GFRA1: variants seen among roughly 807,000 people sequenced by gnomAD.
The protein encoded by GFRA1 is GDNF family receptor alpha 1.
A neutral mutation model predicts 51.6 loss-of-function variants in GFRA1; 16 were observed. That is an observed-to-expected ratio of 0.31 (90% CI 0.21 to 0.47). The LOEUF (loss-of-function observed/expected upper bound fraction) is 0.47, where lower values mean the gene tolerates loss of function less well. Ranked by LOEUF, GFRA1 falls within the 20% of genes least tolerant of loss-of-function variation. The pLI is 1.00. For synonymous variants in GFRA1, 270 were observed against 241.3 expected (o/e 1.12, Z -1.10); for missense variants, 530 against 594.3 (o/e 0.89, Z 1.13).
intron 4 of GFRA1, among the ~76,000 whole-genome samples, chr10:116,266,314 G>T (rs967741937): frequency 7.2e-5 from 11 of 152,194 alleles, no homozygotes; most frequent in Admixed American, 5.9e-4. Context: ...AGACACTGTT[G>T]TCCTGGCTTC....
intron 5 of GFRA1, among the ~76,000 whole-genome samples, chr10:116,182,274 A>G (rs1962309502): frequency 6.6e-6 from 1 of 152,184 alleles, no homozygotes; most frequent in South Asian, 2.1e-4. Context: ...GATAACAATA[A>G]TAGTAATTAA....
intron 5 of GFRA1, among the ~76,000 whole-genome samples, chr10:116,197,352 C>T (rs543691100): frequency 2.0e-5 from 3 of 152,238 alleles, no homozygotes; most frequent in East Asian, 1.9e-4. Context: ...TTACCAAACA[C>T]GGAATCTGCC....
At chr10:116,133,095 G>A (rs1456638838) in intron 5 of GFRA1, among the ~76,000 whole-genome samples, 7 of 151,302 alleles carry the variant, frequency 4.6e-5, no homozygotes, top group Admixed American at 3.3e-4. Flanking sequence ...TGTCTGGGAC[G>A]CTGTCTGAAT....
intron 5 of GFRA1, among the ~76,000 whole-genome samples, chr10:116,179,308 G>A (rs931476539): frequency 6.6e-6 from 1 of 152,184 alleles, no homozygotes; most frequent in African/African-American, 2.4e-5. Context: ...CATTGTCAGG[G>A]AGCATATATT....
intron 5 of GFRA1, among the ~76,000 whole-genome samples, chr10:116,194,816 CTG>C (rs1364530518): frequency 6.6e-6 from 1 of 152,132 alleles, no homozygotes; most frequent in Admixed American, 6.6e-5. Flanking sequence ...CCCACACAGA[CTG>C]AGAACCATTT....
At chr10:116,064,582 G>A (rs1490498234) in intron 10 of GFRA1, 38 bp from the exon 11 acceptor site, 5 of 1,571,272 alleles carry the variant, frequency 3.2e-6, no homozygotes, top group Non-Finnish European at 3.5e-6. Flanking sequence ...TCCACTGCAT[G>A]TCTTCATTCT....
chr10:116,093,603 A>C, intron 8 of GFRA1, 99 bp downstream of exon 8: 1 of 1,038,864 alleles, frequency 9.6e-7, no homozygotes, highest in East Asian at 2.4e-5. Flanking sequence ...GTACAGGCAC[A>C]AGGTACAAGA....
At chr10:116,199,565 T>C (rs1964165713) in intron 5 of GFRA1, among the ~76,000 whole-genome samples, 1 of 152,364 alleles carries the variant, frequency 6.6e-6, no homozygotes, top group Admixed American at 6.5e-5. Flanking sequence ...ACCACAAATG[T>C]ATCCATCTAT....
At chr10:116,137,215 G>C (rs1241443083) in intron 5 of GFRA1, among the ~76,000 whole-genome samples, 5 of 152,086 alleles carry the variant, frequency 3.3e-5, no homozygotes, top group African/African-American at 1.2e-4. Flanking sequence ...TATGCATAGA[G>C]AGAAGGAAAA....
intron 5 of GFRA1, among the ~76,000 whole-genome samples, chr10:116,190,323 A>G (rs1963136337): frequency 6.6e-6 from 1 of 152,196 alleles, no homozygotes; most frequent in Non-Finnish European, 1.5e-5. Context: ...TAGTCACCAG[A>G]TGGCTCCTCT....
chr10:116,188,898 T>TAAAA (rs779339657), intron 5 of GFRA1, among the ~76,000 whole-genome samples: 1 of 130,472 alleles, frequency 7.7e-6, no homozygotes, highest in East Asian at 2.2e-4. Context: ...AGACTCTGTT[T>TAAAA]AAAAAAAAAA....
intron 4 of GFRA1, among the ~76,000 whole-genome samples, chr10:116,214,471 G>C (rs545217815): frequency 6.6e-6 from 1 of 152,286 alleles, no homozygotes; most frequent in South Asian, 2.1e-4. Flanking sequence ...TCATTTTACA[G>C]GTGAGGAAAC....
At chr10:116,099,532 A>G (rs1047061532) in intron 6 of GFRA1, among the ~76,000 whole-genome samples, 4 of 152,152 alleles carry the variant, frequency 2.6e-5, no homozygotes, top group African/African-American at 9.7e-5. Flanking sequence ...CAAAGAAAGA[A>G]AAGAGCTCCA....
intron 5 of GFRA1, among the ~76,000 whole-genome samples, chr10:116,204,846 A>C (rs540145516): frequency 9.8e-5 from 15 of 152,336 alleles, no homozygotes; most frequent in African/African-American, 3.6e-4. Context: ...GCAACCCTCA[A>C]TGAGGTGGAG....
At chr10:116,121,943 A>G (rs1957663635) in intron 6 of GFRA1, among the ~76,000 whole-genome samples, 2 of 152,176 alleles carry the variant, frequency 1.3e-5, no homozygotes, top group Admixed American at 1.3e-4. Flanking sequence ...GAGTAATAAA[A>G]TCTGATGGAA....
At chr10:116,115,448 G>A (rs1957375480) in intron 6 of GFRA1, among the ~76,000 whole-genome samples, 1 of 152,072 alleles carries the variant, frequency 6.6e-6, no homozygotes, top group South Asian at 2.1e-4. Context: ...GCCCATGCAT[G>A]GGAGGAGGTT....
intron 5 of GFRA1, among the ~76,000 whole-genome samples, chr10:116,158,649 C>T (rs1959409969): frequency 6.6e-6 from 1 of 152,206 alleles, no homozygotes. Context: ...AGCCTGGGGA[C>T]AGTGATGTCT....
At chr10:116,223,835 G>A (rs570261970) in intron 4 of GFRA1, among the ~76,000 whole-genome samples, 1 of 152,226 alleles carries the variant, frequency 6.6e-6, no homozygotes, top group South Asian at 2.1e-4. Flanking sequence ...AAATATAAAT[G>A]TCATTTTCAT....
intron 4 of GFRA1, among the ~76,000 whole-genome samples, chr10:116,236,457 A>T (rs1189519830): frequency 6.6e-6 from 1 of 152,138 alleles, no homozygotes; most frequent in Non-Finnish European, 1.5e-5. Context: ...AGAACAAAAC[A>T]CTGTGAATAA....
Sources: gnomAD v4.1 joint callset for allele counts (sites outside exome capture counted in the v4.1 genomes callset) on GRCh38, gnomAD v4.1.1 for gene constraint, MANE v1.5 for transcripts, NCBI Gene and HGNC (gene_info 2026-07-23, HGNC 2026-07-21) for gene names.